Variants in PAX3 observed in about 807,000 individuals in gnomAD.
PAX3 encodes paired box 3, also known as paired box protein Pax-3.
Under a neutral mutation model 51.6 loss-of-function variants are expected in PAX3, and 14 were observed. The ratio of observed to expected loss-of-function variants is 0.27; its 90% CI spans 0.18 to 0.42. The LOEUF (loss-of-function observed/expected upper bound fraction) is 0.42, where lower values mean the gene tolerates loss of function less well. Ranked by LOEUF, PAX3 falls within the 10% of genes least tolerant of loss-of-function variation. The pLI is 1.00. For missense variants in PAX3, 540 were observed against 642.8 expected (o/e 0.84, Z 1.73); for synonymous variants, 280 against 253.4 (o/e 1.11, Z -1.00).
At chr2:222,259,166 G>A (rs1358301077) in intron 4 of PAX3, among the ~76,000 whole-genome samples, 96 of 152,234 alleles carry the variant, frequency 6.3e-4, no homozygotes, top group Non-Finnish European at 5.6e-4. Context: ...TCTTGCGAAA[G>A]GAAAAACCTA....
intron 4 of PAX3, among the ~76,000 whole-genome samples, chr2:222,271,767 C>A (rs1694260442): frequency 3.9e-5 from 6 of 152,038 alleles, no homozygotes; most frequent in Admixed American, 3.9e-4. Flanking sequence ...TTTATATTCC[C>A]AAGGGACAAA....
intron 4 of PAX3, among the ~76,000 whole-genome samples, chr2:222,278,417 A>G (rs1352381506): frequency 6.6e-6 from 1 of 152,238 alleles, no homozygotes; most frequent in Non-Finnish European, 1.5e-5. Flanking sequence ...TTAAGAGCTC[A>G]GCCCAGACTT....
chr2:222,223,857 G>T (rs1692288587), intron 5 of PAX3, among the ~76,000 whole-genome samples: 1 of 152,112 alleles, frequency 6.6e-6, no homozygotes, highest in South Asian at 2.1e-4. Flanking sequence ...AGATTTGTTG[G>T]CAATCTCTCT....
intron 5 of PAX3, among the ~76,000 whole-genome samples, chr2:222,223,486 C>A (rs149609379): frequency 2.6e-5 from 4 of 152,252 alleles, no homozygotes; most frequent in Admixed American, 2.6e-4. Context: ...CCAAAGGCAT[C>A]AGGGTAAGAA....
At chr2:222,238,597 G>A (rs1237596809) in intron 4 of PAX3, among the ~76,000 whole-genome samples, 1 of 152,166 alleles carries the variant, frequency 6.6e-6, no homozygotes, top group Non-Finnish European at 1.5e-5. Context: ...TACAGACATG[G>A]GAGGAGGTGG....
chr2:222,202,247 C>A, intron 7 of PAX3, 57 bp from the exon 8 acceptor site: 1 of 1,260,056 alleles, frequency 7.9e-7, no homozygotes, highest in Non-Finnish European at 1.1e-6. Flanking sequence ...CAGATTGCAG[C>A]CTACAGCTGA....
intron 7 of PAX3, among the ~76,000 whole-genome samples, chr2:222,218,331 A>G (rs1166498962): frequency 6.6e-6 from 1 of 152,158 alleles, no homozygotes; most frequent in African/African-American, 2.4e-5. Flanking sequence ...ATACAAAAGA[A>G]TACACATCAT....
At chr2:222,250,119 T>A (rs1437769549) in intron 4 of PAX3, among the ~76,000 whole-genome samples, 1 of 152,146 alleles carries the variant, frequency 6.6e-6, no homozygotes. Context: ...GGTAGGGGGA[T>A]CTTATGAGCG....
intron 5 of PAX3, among the ~76,000 whole-genome samples, chr2:222,223,584 G>A (rs759981040): frequency 2.4e-4 from 37 of 152,254 alleles, no homozygotes; most frequent in Middle Eastern, 3.4e-3. Flanking sequence ...ATGCCTGAGT[G>A]CACTGTACCA....
rs13405641 is a variant in PAX3, at chr2:222,296,887, C to A, written c.321+91G>T. On this transcript the variant is annotated intron_variant, in intron 2 of 8. Transcript: ENST00000392070. ...ACCTCAGAAATAACTCATTGGAGAGCCCCAGATGTCAGCCGTTACCCCCCG... is the reference window on the plus strand; with the variant it reads ...ACCTCAGAAATAACTCATTGGAGAGACCCAGATGTCAGCCGTTACCCCCCG... 171,825 of 1,039,036 alleles carry A rather than the reference C, an allele frequency of 0.17. 16,176 individuals are homozygous for A. The highest frequency in any genetic ancestry group is 0.19 in the Non-Finnish European group (132,306 of 687,772). 64.4% of individuals were successfully genotyped at this position (1,039,036 alleles called of 1,614,324 possible).
rs1233525214 is a variant in PAX3, at chr2:222,201,454, C to T, written c.1421-12G>A. 4 of 1,613,948 alleles carry T rather than the reference C, an allele frequency of 2.5e-6. No homozygotes were observed. The highest frequency in any genetic ancestry group is 2.2e-5 in the East Asian group (1 of 44,866). The stretch of plus-strand genomic sequence containing the variant: ...ATAATGAAAGGCACCTGTAAGGAAA[C>T]ACACGCAGCTTTTTAGGTCATGCTG... On this transcript the variant is annotated splice_polypyrimidine_tract_variant and intron_variant, in intron 8 of 8. Coordinates refer to ENST00000392070, the MANE Select transcript of PAX3 (RefSeq NM_181458.4).
intron 4 of PAX3, among the ~76,000 whole-genome samples, chr2:222,290,882 G>A (rs1278966176): frequency 6.6e-6 from 1 of 151,804 alleles, no homozygotes; most frequent in Non-Finnish European, 1.5e-5. Context: ...AAAAATGGGG[G>A]GAGGTTGCAG....
At chr2:222,275,124 G>A (rs984093954) in intron 4 of PAX3, among the ~76,000 whole-genome samples, 1 of 152,058 alleles carries the variant, frequency 6.6e-6, no homozygotes, top group Admixed American at 6.6e-5. Context: ...GTTCAAAATT[G>A]CAATATATTT....
intron 5 of PAX3, among the ~76,000 whole-genome samples, chr2:222,225,580 G>A (rs1692353918): frequency 6.6e-6 from 1 of 152,070 alleles, no homozygotes; most frequent in South Asian, 2.1e-4. Flanking sequence ...ATACAGACCA[G>A]GCAAAAGTTG....
Position 222,201,151 on chromosome 2 carries a change from C to T in PAX3, c.*257G>A. On this transcript the variant is annotated 3_prime_UTR_variant, in exon 9 of 9. Transcript: ENST00000392070. ...GATATGTAACCATGTGAAACCATTG[C>T]CTTAAAATGTTGCATTTGTCTTTTA... 1 of 1,612,450 alleles carries T rather than the reference C, an allele frequency of 6.2e-7. No homozygotes were observed. The highest frequency in any genetic ancestry group is 8.5e-7 in the Non-Finnish European group (1 of 1,178,818).
intron 4 of PAX3, among the ~76,000 whole-genome samples, chr2:222,254,612 A>G (rs1474286479): frequency 1.3e-5 from 2 of 152,206 alleles, no homozygotes; most frequent in Non-Finnish European, 2.9e-5. Context: ...CATTGTGGCT[A>G]GCTAGAACTA....
chr2:222,291,340 G>C (rs1038476824), intron 4 of PAX3, among the ~76,000 whole-genome samples: 17 of 152,204 alleles, frequency 1.1e-4, no homozygotes, highest in African/African-American at 4.1e-4. Context: ...TTTCTCCTGG[G>C]CTATGGAGCT....
At position 222,235,824 on chromosome 2, in the gene PAX3, T is replaced by C. The variant is rs1352106471; in HGVS notation, c.587-3541A>G. On this transcript the variant is annotated intron_variant, in intron 4 of 8. Coordinates refer to ENST00000392070, the MANE Select transcript of PAX3 (RefSeq NM_181458.4). ...TTTAAGAGTTCAATAGGACAGCCGT[T>C]ACCACCAAAAATAAAACTCTCTTTA... 2.6e-5 allele frequency among the ~76,000 whole-genome samples: 4 copies of C among 152,300 alleles called. No homozygotes were observed. In the East Asian group the frequency reaches 7.7e-4, roughly 29 times the overall value.
intron 4 of PAX3, among the ~76,000 whole-genome samples, chr2:222,256,146 G>A (rs1369201293): frequency 3.3e-5 from 5 of 151,898 alleles, no homozygotes; most frequent in South Asian, 2.1e-4. Context: ...CCTGATCTTC[G>A]AAACCTTAGA....
Sources: allele counts gnomAD v4.1 joint callset (sites outside exome capture counted in the v4.1 genomes callset), GRCh38; gene constraint gnomAD v4.1.1; transcripts MANE v1.5; gene names NCBI Gene and HGNC (gene_info 2026-07-23, HGNC 2026-07-21).